Variants in SUPT3H observed in about 807,000 individuals in gnomAD.
SUPT3H encodes the protein SPT3 homolog, SAGA and STAGA complex component.
A neutral mutation model predicts 44.3 loss-of-function variants in SUPT3H; 44 were observed. That is an observed-to-expected ratio of 0.99 (90% CI 0.78 to 1.28). The LOEUF (loss-of-function observed/expected upper bound fraction) is 1.28, where lower values mean the gene tolerates loss of function less well. SUPT3H is among the 50% of genes most tolerant of loss of function. The pLI, the probability that SUPT3H is intolerant of heterozygous loss-of-function variation, is 0.00. For synonymous variants in SUPT3H, 124 were observed against 125.6 expected (o/e 0.99, Z 0.09); for missense variants, 380 against 387.1 (o/e 0.98, Z 0.15).
At chr6:45,303,800 C>A (rs1315143696) in intron 2 of SUPT3H, among the ~76,000 whole-genome samples, 2 of 151,878 alleles carry the variant, frequency 1.3e-5, no homozygotes, top group African/African-American at 2.4e-5. Flanking sequence ...CAAGACCAGC[C>A]TGGCCAATAT....
At chr6:44,949,123 A>G (rs1187484017) in intron 9 of SUPT3H, among the ~76,000 whole-genome samples, 3 of 152,196 alleles carry the variant, frequency 2.0e-5, no homozygotes, top group Non-Finnish European at 4.4e-5. Context: ...CATCATTCTG[A>G]GCAAACTAAC....
chr6:44,973,317 T>C (rs558311492), intron 6 of SUPT3H, among the ~76,000 whole-genome samples: 1 of 152,334 alleles, frequency 6.6e-6, no homozygotes, highest in African/African-American at 2.4e-5. Flanking sequence ...CCAGTCTCTT[T>C]GCTAAAACAC....
intron 6 of SUPT3H, among the ~76,000 whole-genome samples, chr6:44,982,265 C>A (rs1582888798): frequency 1.3e-5 from 2 of 152,074 alleles, no homozygotes; most frequent in African/African-American, 4.8e-5. Flanking sequence ...GCTCTGTCGC[C>A]CAGGCTGGAG....
At chr6:45,036,065 C>G (rs919760748) in intron 3 of SUPT3H, among the ~76,000 whole-genome samples, 1 of 152,018 alleles carries the variant, frequency 6.6e-6, no homozygotes. Flanking sequence ...TATTGAAAAT[C>G]CAACAGAATT....
intron 10 of SUPT3H, among the ~76,000 whole-genome samples, chr6:44,891,641 CT>C (rs1763335138): frequency 6.6e-6 from 1 of 151,858 alleles, no homozygotes; most frequent in South Asian, 2.1e-4. Context: ...TACAGAGTTT[CT>C]GTTTGGGATG....
chr6:45,086,617 T>C (rs1397780732), intron 3 of SUPT3H, among the ~76,000 whole-genome samples: 1 of 151,926 alleles, frequency 6.6e-6, no homozygotes, highest in East Asian at 1.9e-4. Context: ...AATCTTGGTT[T>C]TAAAAACTCC....
chr6:45,048,928 G>A (rs1789845217), intron 3 of SUPT3H, among the ~76,000 whole-genome samples: 1 of 152,034 alleles, frequency 6.6e-6, no homozygotes, highest in Non-Finnish European at 1.5e-5. Context: ...TTGGCCAAAG[G>A]ATACAAAACT....
At chr6:45,018,111 G>A (rs1326656790) in intron 4 of SUPT3H, among the ~76,000 whole-genome samples, 1 of 151,566 alleles carries the variant, frequency 6.6e-6, no homozygotes, top group East Asian at 1.9e-4. Flanking sequence ...TGAAGCAATT[G>A]TGAATGGGAG....
intron 3 of SUPT3H, among the ~76,000 whole-genome samples, chr6:45,055,434 T>C (rs191523327): frequency 2.4e-3 from 371 of 152,160 alleles, no homozygotes; most frequent in African/African-American, 8.5e-3. Context: ...TATTAATACA[T>C]GGCTGTATTC....
At chr6:45,218,951 C>T (rs1362264244) in intron 2 of SUPT3H, among the ~76,000 whole-genome samples, 2 of 152,032 alleles carry the variant, frequency 1.3e-5, no homozygotes, top group African/African-American at 4.8e-5. Flanking sequence ...TTGAATCAAA[C>T]TATTAATCAA....
rs531856270 is a variant in SUPT3H, at chr6:45,302,900, A to G, written c.101+62301T>C. On this transcript the variant is annotated intron_variant, in intron 2 of 10. Transcript: ENST00000371459. ...GCCATTCTCGCAGGAGTATAGTGGT[A>G]TTGCATTGGGTTTTGGTTTAAATAG... is the stretch of plus-strand genomic sequence containing the variant. Among the ~76,000 whole-genome samples the G allele has an allele frequency of 1.7e-4, 26 of 152,202 alleles. No individual in the cohort carries two copies. In the Middle Eastern group the frequency reaches 0.01, roughly 60 times the overall value.
At chr6:44,941,072 T>C (rs1412757439) in intron 9 of SUPT3H, among the ~76,000 whole-genome samples, 1 of 152,152 alleles carries the variant, frequency 6.6e-6, no homozygotes, top group Non-Finnish European at 1.5e-5. Context: ...ATGGTTAATA[T>C]TGATAAGTGA....
In SUPT3H at chr6:44,953,436, G is replaced by A; in HGVS notation, c.694-19C>T. ...CCACTAACTAGAAGACCAGAAGAAT[G>A]AAAGTCACATAGCTAGAAATAATCA... On this transcript the variant is annotated intron_variant, in intron 8 of 10. Transcript: ENST00000371459. 6.3e-7 allele frequency: 1 copy of A among 1,593,696 alleles called. No individual in the cohort carries two copies. Among genetic ancestry groups the A allele is most frequent in the Non-Finnish European group, 8.6e-7 (1 of 1,161,642 alleles).
At position 45,328,802 on chromosome 6, in the gene SUPT3H, T is replaced by A. The variant is rs762823134; in HGVS notation, c.101+36399A>T. On this transcript the variant is annotated intron_variant, in intron 2 of 10. Transcript: ENST00000371459. ...CTTTTGGGGTAAGTGTTACCATTTTTAAAATCCTGTAAGATATGAACCTGT... is the reference window on the plus strand; with the variant it reads ...CTTTTGGGGTAAGTGTTACCATTTTAAAAATCCTGTAAGATATGAACCTGT... 6.2e-7 allele frequency: 1 copy of A among 1,610,458 alleles called. No individual in the cohort carries two copies. Among genetic ancestry groups the A allele is most frequent in the Non-Finnish European group, 8.5e-7 (1 of 1,177,252 alleles).
intron 2 of SUPT3H, among the ~76,000 whole-genome samples, chr6:45,221,435 G>T (rs1356168942): frequency 1.3e-5 from 2 of 152,030 alleles, no homozygotes; most frequent in African/African-American, 2.4e-5. Context: ...AAATCAAGCT[G>T]TTTATAAATG....
At chr6:45,324,639 G>C (rs1375472391) in intron 2 of SUPT3H, among the ~76,000 whole-genome samples, 1 of 151,762 alleles carries the variant, frequency 6.6e-6, no homozygotes. Flanking sequence ...TAGGGAGAGG[G>C]AGGGAGGGAA....
chr6:45,099,213 C>T, intron 3 of SUPT3H: 1 of 226,164 alleles, frequency 4.4e-6, no homozygotes, highest in South Asian at 6.2e-5. Context: ...CACTATCTTT[C>T]TCATGACCCT....
At chr6:45,187,092 T>C (rs780426109) in intron 2 of SUPT3H, among the ~76,000 whole-genome samples, 79 of 134,264 alleles carry the variant, frequency 5.9e-4, no homozygotes, top group Non-Finnish European at 9.8e-4. Context: ...GGTGATACTT[T>C]TTCGCCTTTA....
At chr6:45,261,652 C>T (rs1774389649) in intron 2 of SUPT3H, among the ~76,000 whole-genome samples, 1 of 152,094 alleles carries the variant, frequency 6.6e-6, no homozygotes, top group Admixed American at 6.6e-5. Flanking sequence ...GAAGCATTCT[C>T]CTTGAGAACT....
Sources: gnomAD v4.1 joint callset for allele counts (sites outside exome capture counted in the v4.1 genomes callset) on GRCh38, gnomAD v4.1.1 for gene constraint, MANE v1.5 for transcripts, NCBI Gene and HGNC (gene_info 2026-07-23, HGNC 2026-07-21) for gene names.